DNAH14: variants seen among roughly 807,000 people sequenced by gnomAD.
The protein encoded by DNAH14 is axonemal beta dynein heavy chain 14.
DNAH14 carries 478 observed loss-of-function variants against 520.9 expected under a neutral mutation model. That is an observed-to-expected ratio of 0.92 (90% confidence interval 0.85 to 0.99). The LOEUF is 0.99. DNAH14 is among the 50% of genes least tolerant of loss of function. DNAH14 has a pLI of 0.00. For synonymous variants in DNAH14, 1,581 were observed against 1,757.2 expected, an observed-to-expected ratio of 0.90 and a Z score of 2.51; for missense variants, 4,831 against 5,234.5, an observed-to-expected ratio of 0.92 and a Z score of 2.38.
chr1:225,289,960 G>C lies in DNAH14; in HGVS notation c.8347G>C (p.Val2783Leu). Reference sequence around the variant, plus strand: ...TTTGACAGATAATAAACTATACCGAGTGCCTATATCTCACAAATGTGCCTA... The same window carrying C: ...TTTGACAGATAATAAACTATACCGACTGCCTATATCTCACAAATGTGCCTA... ...CYLTDNKLYR[V>L]PISHKCAYIE... The change falls in exon 55 of 86, where the codon GTG becomes CTG. Residue 2783 changes from valine (V) to leucine (L), a missense_variant. Val to Leu is a conservative substitution (Grantham distance 32, BLOSUM62 1). Transcript: ENST00000682510. 2 of 1,538,994 alleles carry C rather than the reference G, an allele frequency of 1.3e-6. No individual in the cohort carries two copies. The highest frequency in any genetic ancestry group is 1.8e-6 in the Non-Finnish European group (2 of 1,140,532).
At chr1:225,014,066 A>G (rs1558683246) in intron 10 of DNAH14, among the ~76,000 whole-genome samples, 2 of 151,862 alleles carry the variant, frequency 1.3e-5, no homozygotes, top group Non-Finnish European at 2.9e-5. Flanking sequence ...TGTGTTTGAA[A>G]CCCAGGGCCC....
At chr1:225,363,466 C>T (rs553534841) in intron 75 of DNAH14, among the ~76,000 whole-genome samples, 2 of 152,296 alleles carry the variant, frequency 1.3e-5, no homozygotes, top group East Asian at 3.9e-4. Flanking sequence ...AATTCCTGGG[C>T]TCAAGTGATC....
At position 225,132,112 on chromosome 1, in the gene DNAH14, A is replaced by C. The variant is rs551376174; in HGVS notation, c.4254+8498A>C. On this transcript the variant is annotated intron_variant, in intron 27 of 85. Coordinates refer to ENST00000682510, the MANE Select transcript of DNAH14 (RefSeq NM_001367479.1). Reference sequence around the variant, plus strand: ...AAGACTCTACAGAGATCGGTAAACTATATTATATCTGTCAACAGTGGTTTT... The same window carrying C: ...AAGACTCTACAGAGATCGGTAAACTCTATTATATCTGTCAACAGTGGTTTT... 7.4e-4 allele frequency among the ~76,000 whole-genome samples: 113 copies of C among 152,214 alleles called. 1 individual carries two copies. Among genetic ancestry groups the C allele is most frequent in the African/African-American group, 2.7e-3 (111 of 41,538 alleles).
chr1:225,058,918 T>A (rs1304247220), intron 17 of DNAH14, among the ~76,000 whole-genome samples: 2 of 152,232 alleles, frequency 1.3e-5, no homozygotes, highest in Non-Finnish European at 2.9e-5. Context: ...ATTTTTATTC[T>A]TTTACATTTG....
chr1:225,344,144 T>C (rs781480707), intron 69 of DNAH14, among the ~76,000 whole-genome samples: 1 of 152,142 alleles, frequency 6.6e-6, no homozygotes, highest in African/African-American at 2.4e-5. Flanking sequence ...AAATTGTTCT[T>C]GAAAAAAACT....
At position 225,076,151 on chromosome 1, in the gene DNAH14, C is replaced by T. The variant is rs576247598; in HGVS notation, c.2425-3056C>T. ...TGGGGTCACTGGGCTTAGTCTTCCA[C>T]GGAGGGCTGTCTGGAACCCAAGGCC... On this transcript the variant is annotated intron_variant, in intron 17 of 85. Coordinates refer to ENST00000682510, the MANE Select transcript of DNAH14 (RefSeq NM_001367479.1). Among the ~76,000 whole-genome samples the T allele has an allele frequency of 7.9e-5, 12 of 152,268 alleles. No individual in the cohort carries two copies. In the South Asian group the frequency reaches 1.5e-3, roughly 18 times the overall value.
At chr1:225,272,157 G>A in intron 51 of DNAH14, 84 bp downstream of exon 51, 2 of 1,277,752 alleles carry the variant, frequency 1.6e-6, no homozygotes, top group African/African-American at 1.5e-5. Context: ...TTGTTAGAAG[G>A]GGAAAAAAGG....
intron 23 of DNAH14, 48 bp from the exon 24 acceptor site, chr1:225,117,636 C>A: frequency 8.7e-7 from 1 of 1,152,136 alleles, no homozygotes; most frequent in Non-Finnish European, 1.2e-6. Context: ...TAATTCATAT[C>A]ATAATTAAGC....
In DNAH14 at chr1:225,373,747, C is replaced by T. The variant is rs138572801; in HGVS notation, c.12319-941C>T. Reference sequence around the variant, plus strand: ...TTTGCGCTTTTTGAATTCAGTACCACGTGCCTGCTTTGCCTATTCAAACAA... The same window carrying T: ...TTTGCGCTTTTTGAATTCAGTACCATGTGCCTGCTTTGCCTATTCAAACAA... On this transcript the variant is annotated intron_variant, in intron 77 of 85. Coordinates refer to ENST00000682510, the MANE Select transcript of DNAH14 (RefSeq NM_001367479.1). 2.5e-3 allele frequency among the ~76,000 whole-genome samples: 376 copies of T among 152,142 alleles called. 4 individuals carry two copies. The highest frequency in any genetic ancestry group is 8.5e-3 in the African/African-American group (352 of 41,488).
At chr1:225,001,084 G>A (rs1234683536) in intron 8 of DNAH14, among the ~76,000 whole-genome samples, 7 of 150,578 alleles carry the variant, frequency 4.6e-5, no homozygotes, top group African/African-American at 1.7e-4. Flanking sequence ...CCCTTTCCTG[G>A]TCCTTTAGCT....
chr1:224,976,545 CAGG>C (rs1232281806), intron 8 of DNAH14, among the ~76,000 whole-genome samples: 2 of 152,098 alleles, frequency 1.3e-5, no homozygotes, highest in Non-Finnish European at 2.9e-5. Context: ...TCAAAGTGAA[CAGG>C]CAACCTACAA....
intron 54 of DNAH14, among the ~76,000 whole-genome samples, chr1:225,278,957 A>G (rs1276691652): frequency 2.0e-5 from 3 of 151,962 alleles, no homozygotes; most frequent in Non-Finnish European, 4.4e-5. Flanking sequence ...GATTCCTCTG[A>G]TCCTATTACT....
chr1:225,088,347 A>G (rs1184958979), intron 21 of DNAH14, among the ~76,000 whole-genome samples: 2 of 152,178 alleles, frequency 1.3e-5, no homozygotes, highest in African/African-American at 2.4e-5. Context: ...CCAAAATTAA[A>G]CTTCTAGAGA....
At chr1:225,173,842 A>C (rs1313403279) in intron 36 of DNAH14, among the ~76,000 whole-genome samples, 1 of 152,254 alleles carries the variant, frequency 6.6e-6, no homozygotes, top group Non-Finnish European at 1.5e-5. Context: ...TCACAATAGC[A>C]AAGACTTGGA....
At chr1:225,335,129 A>G (rs1046816150) in intron 66 of DNAH14, among the ~76,000 whole-genome samples, 10 of 142,484 alleles carry the variant, frequency 7.0e-5, no homozygotes, top group East Asian at 2.1e-4. Context: ...ATGTGTACAT[A>G]TGTGCATGTG....
At chr1:224,998,323 G>A (rs2063529071) in intron 8 of DNAH14, among the ~76,000 whole-genome samples, 1 of 151,680 alleles carries the variant, frequency 6.6e-6, no homozygotes, top group African/African-American at 2.4e-5. Context: ...TTTGCTTTGG[G>A]TTTCATTTGT....
At chr1:225,077,506 G>C (rs1027059622) in intron 17 of DNAH14, among the ~76,000 whole-genome samples, 1 of 143,900 alleles carries the variant, frequency 6.9e-6, no homozygotes, top group African/African-American at 2.5e-5. Context: ...AATTTTTTGG[G>C]CATTTAATTA....
intron 71 of DNAH14, among the ~76,000 whole-genome samples, chr1:225,347,522 G>A (rs2095305022): frequency 6.6e-6 from 1 of 152,106 alleles, no homozygotes; most frequent in Admixed American, 6.6e-5. Flanking sequence ...CTTGTCTAGG[G>A]GCCTCCCAAG....
chr1:224,933,281 C>T (rs565071025), intron 1 of DNAH14, among the ~76,000 whole-genome samples: 1 of 152,036 alleles, frequency 6.6e-6, no homozygotes, highest in African/African-American at 2.4e-5. Flanking sequence ...GATTTTGTAT[C>T]CTGCAGCTTT....
Sources: gnomAD v4.1 joint callset for allele counts (sites outside exome capture counted in the v4.1 genomes callset) on GRCh38, gnomAD v4.1.1 for gene constraint, MANE v1.5 for transcripts, NCBI Gene and HGNC (gene_info 2026-07-23, HGNC 2026-07-21) for gene names.